ASCC1: variants seen among roughly 807,000 people sequenced by gnomAD.
The protein encoded by ASCC1 is ASC-1 complex subunit P50.
Under a neutral mutation model 46.6 loss-of-function variants are expected in ASCC1, and 35 were observed. The observed-to-expected ratio is 0.75, with a 90% CI of 0.57 to 0.99. The LOEUF (loss-of-function observed/expected upper bound fraction) is 0.99, where lower values mean the gene tolerates loss of function less well. Among genes scored for constraint, ASCC1 ranks in the 50% least tolerant of loss-of-function variants. The pLI is 0.00. For synonymous variants in ASCC1, 143 were observed against 146.6 expected (o/e 0.98, Z 0.18); for missense variants, 376 against 428.7 (o/e 0.88, Z 1.09).
At chr10:72,202,641 C>T (rs1411732416) in intron 4 of ASCC1, among the ~76,000 whole-genome samples, 1 of 152,124 alleles carries the variant, frequency 6.6e-6, no homozygotes, top group Non-Finnish European at 1.5e-5. Context: ...TTTTCCTTAT[C>T]AGAACAGTTA....
At chr10:72,112,893 A>C (rs1224035225) in intron 9 of ASCC1, among the ~76,000 whole-genome samples, 1 of 151,758 alleles carries the variant, frequency 6.6e-6, no homozygotes, top group African/African-American at 2.4e-5. Flanking sequence ...AAAAAAAAAA[A>C]AAAAAAAACC....
intron 9 of ASCC1, among the ~76,000 whole-genome samples, chr10:72,105,176 T>C (rs935702262): frequency 2.0e-5 from 3 of 152,208 alleles, no homozygotes; most frequent in African/African-American, 2.4e-5. Context: ...ACTGGCCCTT[T>C]GCCCTCAGTG....
chr10:72,180,063 G>A (rs946676094), intron 5 of ASCC1, among the ~76,000 whole-genome samples: 8 of 152,150 alleles, frequency 5.3e-5, no homozygotes, highest in Non-Finnish European at 1.2e-4. Context: ...GATCACTTGA[G>A]GTCAGGAGTT....
intron 6 of ASCC1, among the ~76,000 whole-genome samples, chr10:72,153,879 G>A (rs906620682): frequency 3.9e-5 from 6 of 152,000 alleles, no homozygotes; most frequent in East Asian, 1.9e-4. Flanking sequence ...CTGCCACCAC[G>A]CCAAGCTAAT....
At chr10:72,131,679 T>C (rs1362077298) in intron 8 of ASCC1, among the ~76,000 whole-genome samples, 1 of 152,186 alleles carries the variant, frequency 6.6e-6, no homozygotes, top group East Asian at 1.9e-4. Context: ...TAGCTACAAA[T>C]TTCTTGGTCC....
intron 7 of ASCC1, 135 bp from the exon 8 acceptor site, chr10:72,133,316 T>C (rs902616204): frequency 1.2e-6 from 1 of 846,596 alleles, no homozygotes; most frequent in Admixed American, 2.0e-5. Context: ...GGAGGAAGAA[T>C]AAGAGACTCA....
chr10:72,215,736 C>G (rs1859113774), intron 1 of ASCC1: 1 of 152,192 alleles, frequency 6.6e-6, no homozygotes. Context: ...CATGGCCCTG[C>G]GCTACGAGAC....
At chr10:72,205,598 C>T (rs1395068019) in intron 3 of ASCC1, among the ~76,000 whole-genome samples, 1 of 149,816 alleles carries the variant, frequency 6.7e-6, no homozygotes, top group Non-Finnish European at 1.5e-5. Flanking sequence ...CCACTGCACT[C>T]CAGCCTGGGT....
intron 9 of ASCC1, chr10:72,102,318 C>T: frequency 6.5e-7 from 1 of 1,546,692 alleles, no homozygotes; most frequent in Non-Finnish European, 8.7e-7. Flanking sequence ...TTTACACACT[C>T]ACGGCTGTAT....
At chr10:72,153,721 TG>T (rs1848635768) in intron 6 of ASCC1, among the ~76,000 whole-genome samples, 1 of 150,390 alleles carries the variant, frequency 6.6e-6, no homozygotes, top group East Asian at 2.0e-4. Context: ...CCACCACGCC[TG>T]GCCTTTTTTA....
Position 72,196,963 on chromosome 10 carries a change from C to T in ASCC1, c.337G>A (p.Val113Ile), listed in dbSNP as rs1421618835. The T allele has an allele frequency of 2.5e-6, 4 of 1,613,574 alleles. No individual in the cohort carries two copies. Among genetic ancestry groups the T allele is most frequent in the East Asian group, 2.2e-5 (1 of 44,886 alleles). Residue 113 changes from valine to isoleucine, a missense_variant, in exon 5 of 10, where the codon GTA becomes ATA. Val to Ile is a conservative substitution (Grantham distance 29). Coordinates refer to ENST00000672957, the MANE Select transcript of ASCC1 (RefSeq NM_001198800.3). Reference sequence around the variant, plus strand: ...TCAATCCGTGTTCGGGCTGAAATTACACCATTTCGATGCTGGCCAGTGATT... The same window carrying T: ...TCAATCCGTGTTCGGGCTGAAATTATACCATTTCGATGCTGGCCAGTGATT... ...IVITGQHRNG[V>I]ISARTRIDVL...
chr10:72,200,664 CAA>C (rs1038037776), intron 4 of ASCC1, among the ~76,000 whole-genome samples: 71 of 98,994 alleles, frequency 7.2e-4, no homozygotes, highest in African/African-American at 1.7e-3. Context: ...AACTCCATCT[CAA>C]AAAAAAAAAA....
chr10:72,152,124 C>T (rs1415081857), intron 7 of ASCC1, among the ~76,000 whole-genome samples: 1 of 151,434 alleles, frequency 6.6e-6, no homozygotes, highest in Non-Finnish European at 1.5e-5. Context: ...TCCTGAGCAG[C>T]TGAAACTACA....
intron 4 of ASCC1, 34 bp from the exon 5 acceptor site, chr10:72,197,023 G>A (rs1855537779): frequency 1.9e-6 from 3 of 1,610,306 alleles, no homozygotes; most frequent in African/African-American, 1.3e-5. Flanking sequence ...AACTGCTCAA[G>A]GACCCCCAAA....
intron 6 of ASCC1, among the ~76,000 whole-genome samples, chr10:72,157,559 G>A (rs938912619): frequency 6.6e-6 from 1 of 152,112 alleles, no homozygotes; most frequent in Non-Finnish European, 1.5e-5. Context: ...TCCTGTTAAA[G>A]ACACTGTCAA....
At chr10:72,163,629 G>A (rs936304392) in intron 5 of ASCC1, among the ~76,000 whole-genome samples, 25 of 151,868 alleles carry the variant, frequency 1.6e-4, no homozygotes, top group African/African-American at 3.9e-4. Context: ...CAGCTACTAC[G>A]GAGGCTGAGG....
At chr10:72,207,282 C>T (rs557922970) in intron 3 of ASCC1, among the ~76,000 whole-genome samples, 2 of 152,092 alleles carry the variant, frequency 1.3e-5, no homozygotes, top group Admixed American at 6.6e-5. Context: ...GGTGTGGTGG[C>T]GCATGCCTGT....
chr10:72,188,652 A>T (rs912062218), intron 5 of ASCC1, among the ~76,000 whole-genome samples: 1 of 152,194 alleles, frequency 6.6e-6, no homozygotes, highest in Non-Finnish European at 1.5e-5. Flanking sequence ...TACTCTTCAC[A>T]CTCCAAATAA....
At chr10:72,189,303 G>A (rs1249316853) in intron 5 of ASCC1, among the ~76,000 whole-genome samples, 1 of 151,886 alleles carries the variant, frequency 6.6e-6, no homozygotes, top group Non-Finnish European at 1.5e-5. Flanking sequence ...AGCTACTCGG[G>A]AGGCTGAGGC....
Sources: gnomAD v4.1 joint callset for allele counts (sites outside exome capture counted in the v4.1 genomes callset) on GRCh38, gnomAD v4.1.1 for gene constraint, MANE v1.5 for transcripts, NCBI Gene and HGNC (gene_info 2026-07-23, HGNC 2026-07-21) for gene names.